The following SMYD3 variants were observed in gnomAD, a reference collection of about 807,000 sequenced individuals.
SMYD3 encodes the protein histone-lysine N-methyltransferase SMYD3.
Under a neutral mutation model 57.7 loss-of-function variants are expected in SMYD3, and 36 were observed. The observed-to-expected ratio is 0.62, with a 90% CI of 0.48 to 0.82. The LOEUF (loss-of-function observed/expected upper bound fraction) is 0.82. SMYD3 is among the 40% of genes least tolerant of loss of function. The probability of loss-of-function intolerance (pLI) is 0.00; values close to 1 mark genes in which losing one functional copy is unlikely to be tolerated. For missense variants in SMYD3, 515 were observed against 538.8 expected (o/e 0.96, Z 0.44); for synonymous variants, 211 against 195.0 (o/e 1.08, Z -0.68).
intron 5 of SMYD3, among the ~76,000 whole-genome samples, chr1:246,209,529 G>A (rs1022852872): frequency 4.0e-5 from 6 of 151,770 alleles, no homozygotes; most frequent in Admixed American, 3.9e-4. Flanking sequence ...TTTTATTAAA[G>A]GACTGGTCAG....
At chr1:245,936,617 A>G (rs2056990643) in intron 5 of SMYD3, among the ~76,000 whole-genome samples, 2 of 152,226 alleles carry the variant, frequency 1.3e-5, no homozygotes, top group Admixed American at 1.3e-4. Context: ...GATTAAGGCC[A>G]GGCGCAGCGG....
chr1:246,248,643 T>A (rs1379068190), intron 5 of SMYD3, among the ~76,000 whole-genome samples: 1 of 130,600 alleles, frequency 7.7e-6, no homozygotes, highest in East Asian at 2.4e-4. Flanking sequence ...TTCCTTTTTT[T>A]TTTTTTTTTT....
intron 5 of SMYD3, among the ~76,000 whole-genome samples, chr1:246,087,403 G>A (rs906834517): frequency 6.6e-6 from 1 of 152,144 alleles, no homozygotes; most frequent in African/African-American, 2.4e-5. Flanking sequence ...GTACTCATCA[G>A]TTAGTCAATA....
chr1:245,822,069 A>G (rs1265842370), intron 10 of SMYD3, among the ~76,000 whole-genome samples: 2 of 152,214 alleles, frequency 1.3e-5, no homozygotes, highest in African/African-American at 4.8e-5. Context: ...AGGATTATAA[A>G]TCATGCTGCT....
chr1:245,904,853 G>A (rs1451793724), intron 8 of SMYD3, among the ~76,000 whole-genome samples: 1 of 151,544 alleles, frequency 6.6e-6, no homozygotes, highest in Non-Finnish European at 1.5e-5. Flanking sequence ...TGCTTGAGGA[G>A]AGGACAGGGA....
chr1:245,838,816 CT>C (rs1458242265), intron 10 of SMYD3, among the ~76,000 whole-genome samples: 2 of 152,198 alleles, frequency 1.3e-5, no homozygotes, highest in Non-Finnish European at 2.9e-5. Flanking sequence ...ATCTGTAATA[CT>C]TAATGTATGC....
intron 8 of SMYD3, among the ~76,000 whole-genome samples, chr1:245,879,420 G>A (rs1262463665): frequency 6.6e-6 from 1 of 152,178 alleles, no homozygotes; most frequent in African/African-American, 2.4e-5. Context: ...AGAACACTGC[G>A]ATGGAGACGA....
chr1:245,955,136 G>A (rs1252513525), intron 5 of SMYD3, among the ~76,000 whole-genome samples: 5 of 152,180 alleles, frequency 3.3e-5, no homozygotes, highest in African/African-American at 1.2e-4. Flanking sequence ...CTGTCGCCCA[G>A]GCTGGACTGC....
intron 5 of SMYD3, among the ~76,000 whole-genome samples, chr1:246,059,080 G>C (rs1392972637): frequency 1.3e-5 from 2 of 152,106 alleles, no homozygotes; most frequent in Non-Finnish European, 2.9e-5. Context: ...GTTTCACCGT[G>C]TTAGCCAGGA....
intron 1 of SMYD3, among the ~76,000 whole-genome samples, chr1:246,444,026 T>C (rs1572506828): frequency 6.6e-6 from 1 of 152,274 alleles, no homozygotes; most frequent in East Asian, 1.9e-4. Flanking sequence ...AAATAAGGTA[T>C]GGAGTCCTGC....
intron 5 of SMYD3, among the ~76,000 whole-genome samples, chr1:246,164,845 A>C (rs753116219): frequency 6.6e-6 from 1 of 152,248 alleles, no homozygotes; most frequent in Non-Finnish European, 1.5e-5. Context: ...TTTACTTAAC[A>C]TAGGCTACTG....
intron 10 of SMYD3, among the ~76,000 whole-genome samples, chr1:245,806,538 C>G (rs974538226): frequency 6.6e-6 from 1 of 152,168 alleles, no homozygotes; most frequent in African/African-American, 2.4e-5. Flanking sequence ...TGCTATATTG[C>G]AGGAACTTGG....
chr1:246,309,487 C>T (rs1175843972), intron 5 of SMYD3, among the ~76,000 whole-genome samples: 1 of 152,162 alleles, frequency 6.6e-6, no homozygotes, highest in Non-Finnish European at 1.5e-5. Flanking sequence ...AAAACACTAT[C>T]CTTACTTCCT....
chr1:245,767,513 C>A (rs751803868), intron 10 of SMYD3, among the ~76,000 whole-genome samples: 2 of 152,226 alleles, frequency 1.3e-5, no homozygotes, highest in South Asian at 2.1e-4. Context: ...TGTGAAACCA[C>A]ACAATGTGTG....
intron 5 of SMYD3, among the ~76,000 whole-genome samples, chr1:246,263,196 G>A (rs931390138): frequency 1.3e-5 from 2 of 152,160 alleles, no homozygotes; most frequent in African/African-American, 4.8e-5. Flanking sequence ...AAGGTTGAAT[G>A]TTAGCTCTGC....
intron 1 of SMYD3, among the ~76,000 whole-genome samples, chr1:246,474,502 G>C (rs1426350015): frequency 8.0e-6 from 1 of 124,848 alleles, no homozygotes; most frequent in Non-Finnish European, 1.6e-5. Context: ...CTGGACAACA[G>C]GGCAAGACTC....
At chr1:246,098,548 G>T (rs747516311) in intron 5 of SMYD3, among the ~76,000 whole-genome samples, 3 of 152,030 alleles carry the variant, frequency 2.0e-5, no homozygotes, top group Non-Finnish European at 4.4e-5. Context: ...AATTTCCCTG[G>T]AATATTTTAT....
intron 1 of SMYD3, among the ~76,000 whole-genome samples, chr1:246,362,547 C>T (rs1054016828): frequency 6.6e-6 from 1 of 152,214 alleles, no homozygotes; most frequent in African/African-American, 2.4e-5. Flanking sequence ...TCTCGGCTCA[C>T]TGCAACCTCC....
intron 5 of SMYD3, among the ~76,000 whole-genome samples, chr1:246,147,258 C>A (rs61840386): frequency 0.18 from 27,429 of 151,988 alleles, 3,404 homozygotes; most frequent in African/African-American, 0.33. Context: ...CCTTCAGGAA[C>A]GGCAGCAGCT....
Sources: gnomAD v4.1 joint callset for allele counts (sites outside exome capture counted in the v4.1 genomes callset) on GRCh38, gnomAD v4.1.1 for gene constraint, MANE v1.5 for transcripts, NCBI Gene and HGNC (gene_info 2026-07-23, HGNC 2026-07-21) for gene names.